The following HAGH variants were observed in gnomAD, a reference collection of about 807,000 sequenced individuals.
HAGH encodes hydroxyacylglutathione hydrolase, mitochondrial.
A neutral mutation model predicts 35.1 loss-of-function variants in HAGH; 29 were observed. That is an observed-to-expected ratio of 0.83 (90% CI 0.62 to 1.13). The LOEUF is 1.13. Ranked by LOEUF, HAGH falls within the 50% of genes most tolerant of loss-of-function variation. The probability of loss-of-function intolerance (pLI) is 0.00; values close to 1 mark genes in which losing one functional copy is unlikely to be tolerated. For missense variants in HAGH, 478 were observed against 419.6 expected (o/e 1.14, Z -1.22); for synonymous variants, 225 against 176.1 (o/e 1.28, Z -2.20).
At chr16:1,812,742 A>G (rs1448083127) in intron 7 of HAGH, among the ~76,000 whole-genome samples, 2 of 152,254 alleles carry the variant, frequency 1.3e-5, no homozygotes, top group Non-Finnish European at 2.9e-5. Context: ...GGACTTCATT[A>G]AAATTAAAAA....
At chr16:1,818,111 T>C (rs111611008) in intron 5 of HAGH, among the ~76,000 whole-genome samples, 2,355 of 152,188 alleles carry the variant, frequency 0.015, 42 homozygotes, top group South Asian at 0.077. Flanking sequence ...TCCCCAGAGA[T>C]AGGGAAGGGC....
rs759841729 is a variant in HAGH, at chr16:1,817,007, G to A, written c.646-13C>T. On this transcript the variant is annotated splice_polypyrimidine_tract_variant and intron_variant, in intron 6 of 8. Coordinates refer to ENST00000397356, the MANE Select transcript of HAGH (RefSeq NM_005326.6). ...CACAGTAGACTCTCTGAGGAGAGAG[G>A]TGACAGGTGAGCTCGGAAGGCTGTT... 63 of 1,576,592 alleles carry A rather than the reference G, an allele frequency of 4.0e-5. No homozygotes were observed. The highest frequency in any genetic ancestry group is 5.4e-5 in the Non-Finnish European group (62 of 1,145,858).
At position 1,822,965 on chromosome 16, in the gene HAGH, T is replaced by C; in HGVS notation, c.149A>G (p.Lys50Arg). The C allele has an allele frequency of 6.2e-7, 1 of 1,613,474 alleles. No homozygotes were observed. The highest frequency in any genetic ancestry group is 8.5e-7 in the Non-Finnish European group (1 of 1,179,530). Residue 50 changes from lysine to arginine, a missense_variant, in exon 2 of 9, where the codon AAG (lysine) becomes AGG (arginine). Physicochemically the swap from Lys to Arg is conservative, Grantham distance 26. Transcript: ENST00000397356. ...KNLTVDEGTM[K>R]VEVLPALTDN... ...GGTCAGGGCAGGCAGCACCTCTACC[T>C]TCATGGTGCCCTCGTCCACGGTCAG...
chr16:1,811,965 A>C (rs572896052), intron 7 of HAGH, among the ~76,000 whole-genome samples: 16 of 149,934 alleles, frequency 1.1e-4, no homozygotes, highest in African/African-American at 3.4e-4. Context: ...CCAAGGCAGG[A>C]GGATCACTTG....
intron 3 of HAGH, chr16:1,822,097 C>G (rs1898177706): frequency 3.4e-6 from 2 of 584,532 alleles, no homozygotes; most frequent in African/African-American, 1.9e-5. Flanking sequence ...TCTCCCCTCA[C>G]CCTCGGGGCC....
At chr16:1,818,078 AG>A (rs1897987689) in intron 5 of HAGH, among the ~76,000 whole-genome samples, 1 of 152,206 alleles carries the variant, frequency 6.6e-6, no homozygotes, top group Non-Finnish European at 1.5e-5. Context: ...CTCGAGTCTG[AG>A]GACCAGCAGG....
chr16:1,821,534 C>T (rs1111687), intron 3 of HAGH: 36,044 of 152,248 alleles, frequency 0.24, 4,357 homozygotes, highest in South Asian at 0.36. Flanking sequence ...AGCCAAACAA[C>T]GGCCTTGAGC....
At chr16:1,817,017 A>T (rs1357681471) in intron 6 of HAGH, 23 bp from the exon 7 acceptor site, 8 of 1,534,502 alleles carry the variant, frequency 5.2e-6, no homozygotes, top group Non-Finnish European at 7.2e-6. Context: ...GTGACAGGTG[A>T]GCTCGGAAGG....
At position 1,826,747 on chromosome 16, in the gene HAGH, G is replaced by T; in HGVS notation, c.41C>A (p.Ala14Asp). 1 of 1,195,532 alleles carries T rather than the reference G, an allele frequency of 8.4e-7. No homozygotes were observed. The highest frequency in any genetic ancestry group is 1.0e-6 in the Non-Finnish European group (1 of 964,790). 74.1% of individuals were successfully genotyped at this position (1,195,532 alleles called of 1,614,324 possible). A position where few individuals can be genotyped will look rare whatever the true frequency, so the allele number is the denominator to read the frequency against. Residue 14 changes from alanine (A) to aspartate (D), a missense_variant, in exon 1 of 9, where the codon GCC becomes GAC. Coordinates refer to ENST00000397356, the MANE Select transcript of HAGH (RefSeq NM_005326.6). ...GCGGGCGCAGGCGGCTCCCAGCGCG[G>T]CGAGGCTGCGGCGGCCGAGCAGCCC... ...GRGLLGRRSL[A>D]ALGAACARRG...
intron 1 of HAGH, among the ~76,000 whole-genome samples, chr16:1,825,934 G>T (rs1378537669): frequency 6.6e-6 from 1 of 152,198 alleles, no homozygotes; most frequent in African/African-American, 2.4e-5. Flanking sequence ...CCAAATACGG[G>T]GGCTGGGGCC....
chr16:1,827,017 G>C (rs954131473), upstream of HAGH: 1 of 702,162 alleles, frequency 1.4e-6, no homozygotes, highest in African/African-American at 1.8e-5. Flanking sequence ...CGAGAGCTGC[G>C]CCGGGAGAGC....
At chr16:1,827,176 G>T, upstream of HAGH, 2 of 1,548,546 alleles carry the variant, frequency 1.3e-6, no homozygotes, top group East Asian at 2.3e-5. Context: ...TCCTCTCCGG[G>T]ATGCCGTAGG....
At position 1,812,516 on chromosome 16, in the gene HAGH, A is replaced by AACAAG. The variant is rs1285422855; in HGVS notation, c.748-2684_748-2683insCTTGT. On this transcript the variant is annotated intron_variant, in intron 7 of 8. Transcript: ENST00000397356. Reference sequence around the variant, plus strand: ...CGAAACGCTGTCTCAAAAAAAAAAAAAAACAAAAAAAAAACACACAAATTG... The same window carrying AACAAG: ...CGAAACGCTGTCTCAAAAAAAAAAAAACAAGAAACAAAAAAAAAACACACAAATTG... 7 of 25,986 alleles carry AACAAG rather than the reference A, an allele frequency of 2.7e-4. 1 individual carries two copies. The highest frequency in any genetic ancestry group is 4.9e-4 in the African/African-American group (6 of 12,226). 1.6% of individuals were successfully genotyped at this position (25,986 alleles called of 1,614,324 possible).
At chr16:1,820,279 C>T (rs992973589) in intron 3 of HAGH, among the ~76,000 whole-genome samples, 1 of 152,030 alleles carries the variant, frequency 6.6e-6, no homozygotes, top group African/African-American at 2.4e-5. Flanking sequence ...ACCCCCACAT[C>T]CTAGGGCAGT....
rs1898221719 is a variant in HAGH at position 1,822,952 on chromosome 16, C to G, written c.162G>C (p.Leu54=). ...ACATGTAGTTGTCGGTCAGGGCAGG[C>G]AGCACCTCTACCTTCATGGTGCCCT... ...VDEGTMKVEV[L]PALTDNYMYL... Residue 54 remains leucine (L), a synonymous_variant, in exon 2 of 9, where the codon CTG becomes CTC. Coordinates refer to ENST00000397356, the MANE Select transcript of HAGH (RefSeq NM_005326.6). 1.2e-6 allele frequency: 2 copies of G among 1,613,356 alleles called. No individual in the cohort carries two copies. Among genetic ancestry groups the G allele is most frequent in the African/African-American group, 1.3e-5 (1 of 74,926 alleles).
chr16:1,819,264 T>C, intron 4 of HAGH, 41 bp from the exon 5 acceptor site: 1 of 1,308,738 alleles, frequency 7.6e-7, no homozygotes, highest in Non-Finnish European at 1.1e-6. Context: ...CCAGACACCC[T>C]GGAGAGCCAT....
rs1050683014 is a variant in HAGH, at chr16:1,822,911, T to C, written c.203A>G (p.Asp68Gly). ...TDNYMYLVID[D>G]ETKEAAIVDP... is the part of the protein sequence containing the mutation. ...CACAATGGCAGCCTCCTTGGTCTCA[T>C]CATCAATGACCAGGTACATGTAGTT... Residue 68 changes from aspartate (D) to glycine (G), a missense_variant, in exon 2 of 9, where the codon GAT becomes GGT. Physicochemically the swap from Asp to Gly is moderately conservative, Grantham distance 94. Coordinates refer to ENST00000397356, the MANE Select transcript of HAGH (RefSeq NM_005326.6). The C allele has an allele frequency of 5.0e-6, 8 of 1,613,864 alleles. No homozygotes were observed. Among genetic ancestry groups the C allele is most frequent in the Non-Finnish European group, 5.9e-6 (7 of 1,179,940 alleles).
intron 1 of HAGH, 76 bp from the exon 2 acceptor site, chr16:1,823,113 C>T: frequency 7.8e-7 from 1 of 1,275,108 alleles, no homozygotes; most frequent in Non-Finnish European, 1.1e-6. Context: ...TGCAGTGCTT[C>T]CCAGCCTTTC....
chr16:1,819,808 A>G, intron 4 of HAGH, 89 bp downstream of exon 4: 1 of 817,198 alleles, frequency 1.2e-6, no homozygotes, highest in South Asian at 1.4e-5. Flanking sequence ...TCACTGGGGT[A>G]AGGGAGCAGA....
Sources: gnomAD v4.1 joint callset for allele counts (sites outside exome capture counted in the v4.1 genomes callset) on GRCh38, gnomAD v4.1.1 for gene constraint, MANE v1.5 for transcripts, NCBI Gene and HGNC (gene_info 2026-07-23, HGNC 2026-07-21) for gene names.